The following ATRNL1 variants were observed in gnomAD, a reference collection of about 807,000 sequenced individuals.
ATRNL1 encodes the protein attractin like 1, also known as attractin-like protein 1.
Under a neutral mutation model 182.7 loss-of-function variants are expected in ATRNL1, and 95 were observed. That is an observed-to-expected ratio of 0.52 (90% CI 0.44 to 0.62). The LOEUF (loss-of-function observed/expected upper bound fraction) is 0.62, where lower values mean the gene tolerates loss of function less well. Among genes scored for constraint, ATRNL1 ranks in the 20% least tolerant of loss-of-function variants. The pLI is 0.00. For missense variants in ATRNL1, 1,471 were observed against 1,679.5 expected, an observed-to-expected ratio of 0.88 and a Z score of 2.17; for synonymous variants, 576 against 568.3, an observed-to-expected ratio of 1.01 and a Z score of -0.19.
At chr10:115,641,887 A>G (rs1349230373) in intron 26 of ATRNL1, among the ~76,000 whole-genome samples, 1 of 151,922 alleles carries the variant, frequency 6.6e-6, no homozygotes, top group African/African-American at 2.4e-5. Flanking sequence ...ATAATCATAG[A>G]CTTATTTCTC....
In ATRNL1 at chr10:115,672,313, G is replaced by A. The variant is rs1463920570; in HGVS notation, c.3796-54935G>A. Among the ~76,000 whole-genome samples, 10 of 152,082 alleles carry A rather than the reference G, an allele frequency of 6.6e-5. No individual in the cohort carries two copies. The East Asian group carries it at 1.9e-3, about 29-fold the overall frequency. The stretch of plus-strand genomic sequence containing the variant: ...ATTAAACAGCCTAGGAAGTTGCAGA[G>A]CTGGAATTTCAATTGAGGTTGCCTC... On this transcript the variant is annotated intron_variant, in intron 26 of 28. Transcript: ENST00000355044.
In ATRNL1 at chr10:115,152,323, G is replaced by A. The variant is rs527358893; in HGVS notation, c.830-7717G>A. 1.9e-4 allele frequency among the ~76,000 whole-genome samples: 29 copies of A among 152,234 alleles called. No individual in the cohort carries two copies. The South Asian group carries it at 2.9e-3, about 15-fold the overall frequency. On this transcript the variant is annotated intron_variant, in intron 5 of 28. Transcript: ENST00000355044. The stretch of plus-strand genomic sequence containing the variant: ...CCTTTGGCAGTATGGCCATTTTCAC[G>A]ATGTTGATTCTCCCTGTCCACGAGC...
intron 5 of ATRNL1, among the ~76,000 whole-genome samples, chr10:115,158,131 A>G (rs1359446241): frequency 6.6e-6 from 1 of 151,928 alleles, no homozygotes; most frequent in Non-Finnish European, 1.5e-5. Context: ...ATTTTACTCT[A>G]TTTTCTTTGG....
intron 27 of ATRNL1, among the ~76,000 whole-genome samples, chr10:115,764,657 G>T (rs1224890958): frequency 2.6e-5 from 4 of 151,970 alleles, no homozygotes; most frequent in African/African-American, 9.7e-5. Flanking sequence ...TTTCCTCCGT[G>T]TCTTTTTTGT....
intron 27 of ATRNL1, among the ~76,000 whole-genome samples, chr10:115,765,469 G>A (rs781919986): frequency 6.6e-6 from 1 of 152,084 alleles, no homozygotes; most frequent in Non-Finnish European, 1.5e-5. Flanking sequence ...CTTTGGTAAG[G>A]TGTCAGTTAA....
At chr10:115,844,136 T>G (rs550864823) in intron 27 of ATRNL1, among the ~76,000 whole-genome samples, 12 of 152,088 alleles carry the variant, frequency 7.9e-5, no homozygotes, top group Non-Finnish European at 1.5e-4. Context: ...CTGAAAAGGT[T>G]TTTGAGAAAG....
chr10:115,323,923 G>A (rs1247766749), intron 18 of ATRNL1, among the ~76,000 whole-genome samples: 2 of 151,688 alleles, frequency 1.3e-5, no homozygotes, highest in Admixed American at 6.6e-5. Flanking sequence ...AACTACAGGC[G>A]CCTGCCACGA....
At chr10:115,486,354 T>C (rs1592724855) in intron 24 of ATRNL1, among the ~76,000 whole-genome samples, 1 of 152,116 alleles carries the variant, frequency 6.6e-6, no homozygotes, top group Non-Finnish European at 1.5e-5. Flanking sequence ...TAATTTACAC[T>C]CCCATCAACA....
chr10:115,202,860 C>A (rs1042767094), intron 8 of ATRNL1, among the ~76,000 whole-genome samples: 1 of 146,954 alleles, frequency 6.8e-6, no homozygotes, highest in Non-Finnish European at 1.5e-5. Context: ...TCCATCTGGT[C>A]CTGGACTCTT....
At position 115,413,648 on chromosome 10, in the gene ATRNL1, T is replaced by C. The variant is rs1030148183; in HGVS notation, c.3270-12602T>C. Among the ~76,000 whole-genome samples, 8 of 152,190 alleles carry C rather than the reference T, an allele frequency of 5.3e-5. No individual in the cohort carries two copies. In the South Asian group the frequency reaches 1.0e-3, roughly 20 times the overall value. On this transcript the variant is annotated intron_variant, in intron 20 of 28. Coordinates refer to ENST00000355044, the MANE Select transcript of ATRNL1 (RefSeq NM_207303.4). ...TTGGCCAGTAGGAGAGGCTTCAAGCTAGCTCTTTTGTTTATGTGACACACC... is the reference window on the plus strand; with the variant it reads ...TTGGCCAGTAGGAGAGGCTTCAAGCCAGCTCTTTTGTTTATGTGACACACC...
At chr10:115,656,806 C>T (rs1459857196) in intron 26 of ATRNL1, among the ~76,000 whole-genome samples, 2 of 152,106 alleles carry the variant, frequency 1.3e-5, no homozygotes, top group Admixed American at 6.5e-5. Context: ...TCTTCACAAA[C>T]ATTTATTCCT....
intron 24 of ATRNL1, among the ~76,000 whole-genome samples, chr10:115,473,928 C>T (rs912482022): frequency 1.3e-5 from 2 of 151,268 alleles, no homozygotes; most frequent in African/African-American, 4.8e-5. Flanking sequence ...TCTCCTTATA[C>T]ATTTATAATT....
rs142344181 is a variant in ATRNL1 at position 115,262,670 on chromosome 10, T to G, written c.1688-2523T>G. On this transcript the variant is annotated intron_variant, in intron 10 of 28. Transcript: ENST00000355044. ...AAGGATTAGTATCCAGAATATTTAA[T>G]CAAGAATCCTTTAAATTATTAAGAA... Among the ~76,000 whole-genome samples, 7 of 152,100 alleles carry G rather than the reference T, an allele frequency of 4.6e-5. No individual in the cohort carries two copies. The East Asian group carries it at 1.2e-3, about 25-fold the overall frequency.
chr10:115,655,775 T>C (rs1860291104), intron 26 of ATRNL1, among the ~76,000 whole-genome samples: 1 of 152,206 alleles, frequency 6.6e-6, no homozygotes, highest in African/African-American at 2.4e-5. Flanking sequence ...CCAATGATCA[T>C]GTCAGATCAT....
At chr10:115,618,405 A>G (rs1857549684) in intron 26 of ATRNL1, among the ~76,000 whole-genome samples, 1 of 152,088 alleles carries the variant, frequency 6.6e-6, no homozygotes, top group South Asian at 2.1e-4. Flanking sequence ...TTAAATAAGA[A>G]TTTTTTATGC....
At chr10:115,371,082 T>C (rs1554947923) in intron 19 of ATRNL1, among the ~76,000 whole-genome samples, 1 of 152,122 alleles carries the variant, frequency 6.6e-6, no homozygotes, top group Non-Finnish European at 1.5e-5. Context: ...ATTGAGCCTG[T>C]GGGTACACAG....
chr10:115,298,862 A>C (rs1184538101), intron 15 of ATRNL1, among the ~76,000 whole-genome samples: 1 of 152,044 alleles, frequency 6.6e-6, no homozygotes, highest in South Asian at 2.1e-4. Context: ...AGAATTTATA[A>C]GATATTTAAA....
chr10:115,317,767 G>C (rs1466282731), intron 18 of ATRNL1, among the ~76,000 whole-genome samples: 3 of 152,178 alleles, frequency 2.0e-5, no homozygotes, highest in Non-Finnish European at 2.9e-5. Context: ...CTTTGCTGAA[G>C]TTGATTATCA....
intron 27 of ATRNL1, among the ~76,000 whole-genome samples, chr10:115,773,895 C>T (rs565920190): frequency 6.6e-6 from 1 of 152,230 alleles, no homozygotes; most frequent in East Asian, 1.9e-4. Flanking sequence ...TCCTATCTCC[C>T]TCCCTTTTTG....
Sources: gnomAD v4.1 joint callset for allele counts (sites outside exome capture counted in the v4.1 genomes callset) on GRCh38, gnomAD v4.1.1 for gene constraint, MANE v1.5 for transcripts, NCBI Gene and HGNC (gene_info 2026-07-23, HGNC 2026-07-21) for gene names.